The following TMEM132C variants were observed in gnomAD, a reference collection of about 807,000 sequenced individuals.
The protein encoded by TMEM132C is transmembrane protein 132C, also known as protein phosphatase 1, regulatory subunit 152.
Under a neutral mutation model 61.4 loss-of-function variants are expected in TMEM132C, and 29 were observed. That is an observed-to-expected ratio of 0.47 (90% confidence interval 0.35 to 0.64). The LOEUF (loss-of-function observed/expected upper bound fraction) is 0.64. Among genes scored for constraint, TMEM132C ranks in the 30% least tolerant of loss-of-function variants. TMEM132C has a pLI of 0.00. For missense variants in TMEM132C, 1,408 were observed against 1,476.9 expected (o/e 0.95, Z 0.76); for synonymous variants, 656 against 633.1 (o/e 1.04, Z -0.54).
At chr12:128,312,842 G>GCA (rs1872020328) in intron 1 of TMEM132C, among the ~76,000 whole-genome samples, 1 of 152,232 alleles carries the variant, frequency 6.6e-6, no homozygotes, top group South Asian at 2.1e-4. Context: ...ACAGGCTGAT[G>GCA]CACACTCAGT....
intron 1 of TMEM132C, among the ~76,000 whole-genome samples, chr12:128,285,769 TTCTCTCTCTCTC>T (rs139826127): frequency 1.1e-4 from 2 of 17,466 alleles, no homozygotes; most frequent in African/African-American, 4.5e-4. Flanking sequence ...CTTTCTCTCT[TTCTCTCTCTCTC>T]TCTCTCTCCC....
rs192385413 is a variant in TMEM132C at position 128,314,972 on chromosome 12, A to G, written c.85+47485A>G. ...GTAAAATGGGAGGGAGACAGTAAAC[A>G]AGGAAACAAGTAAATAAATGTGAAT... On this transcript the variant is annotated intron_variant, in intron 1 of 8. Transcript: ENST00000435159. Among the ~76,000 whole-genome samples the G allele has an allele frequency of 6.0e-4, 92 of 152,340 alleles. 1 individual carries two copies. Among genetic ancestry groups the G allele is most frequent in the African/African-American group, 2.1e-3 (88 of 41,582 alleles).
chr12:128,269,352 G>GTGTGTGTT (rs1293736048), intron 1 of TMEM132C, among the ~76,000 whole-genome samples: 1 of 151,142 alleles, frequency 6.6e-6, no homozygotes, highest in Non-Finnish European at 1.5e-5. Flanking sequence ...CATTCCGTGT[G>GTGTGTGTT]TGTGTGTGTG....
At chr12:128,417,696 C>T (rs1455952351) in intron 2 of TMEM132C, among the ~76,000 whole-genome samples, 1 of 152,178 alleles carries the variant, frequency 6.6e-6, no homozygotes, top group Non-Finnish European at 1.5e-5. Context: ...GTGCTCATAA[C>T]AGTGTCTGGT....
intron 2 of TMEM132C, among the ~76,000 whole-genome samples, chr12:128,524,695 G>A (rs35005005): frequency 2.0e-5 from 3 of 152,142 alleles, no homozygotes; most frequent in Non-Finnish European, 4.4e-5. Context: ...CTTTGGGATC[G>A]ATGGGTTTCT....
intron 1 of TMEM132C, chr12:128,289,170 A>C (rs1428792424): frequency 6.6e-6 from 1 of 152,202 alleles, no homozygotes; most frequent in Non-Finnish European, 1.5e-5. Flanking sequence ...ATACGCATGC[A>C]CTCACACACA....
At chr12:128,405,133 G>T (rs1875296959) in intron 1 of TMEM132C, among the ~76,000 whole-genome samples, 1 of 152,106 alleles carries the variant, frequency 6.6e-6, no homozygotes, top group Non-Finnish European at 1.5e-5. Context: ...GGAGATGTTG[G>T]TGCAAGCAGA....
chr12:128,340,914 CTT>C lies in TMEM132C; in HGVS notation c.85+73429_85+73430del, dbSNP rs745789170. 7.0e-3 allele frequency among the ~76,000 whole-genome samples: 702 copies of C among 100,616 alleles called. 3 individuals are homozygous for C. The highest frequency in any genetic ancestry group is 0.026 in the African/African-American group (637 of 24,320). 66.0% of individuals were successfully genotyped at this position (100,616 alleles called of 152,430 possible). The stretch of plus-strand genomic sequence containing the variant: ...TCTTTCTTTCTCTCTTTCTCTCTCT[CTT>C]TCTCTCTCTCTCTCTCTCTCTCTCT... On this transcript the variant is annotated intron_variant, in intron 1 of 8. Transcript: ENST00000435159.
intron 2 of TMEM132C, among the ~76,000 whole-genome samples, chr12:128,533,872 C>T (rs926530862): frequency 1.3e-5 from 2 of 151,922 alleles, no homozygotes; most frequent in Admixed American, 6.6e-5. Context: ...GCCCAGAGGC[C>T]AAGTGGTACT....
intron 1 of TMEM132C, among the ~76,000 whole-genome samples, chr12:128,413,719 T>C (rs1309309290): frequency 6.6e-6 from 1 of 152,096 alleles, no homozygotes; most frequent in Non-Finnish European, 1.5e-5. Context: ...AAAATCTTTT[T>C]CCTCAAATTT....
intron 2 of TMEM132C, among the ~76,000 whole-genome samples, chr12:128,462,501 C>T (rs558644108): frequency 6.6e-6 from 1 of 152,196 alleles, no homozygotes; most frequent in East Asian, 1.9e-4. Flanking sequence ...CTGGTTTTCC[C>T]AAAATTGTTT....
Position 128,405,869 on chromosome 12 carries a change from T to A in TMEM132C, c.86-8863T>A, listed in dbSNP as rs370875365. ...GTGTACAGAGAGCTGCACTAGGCAG[T>A]CTTGGGCATGTATGTACTCAAGAAG... On this transcript the variant is annotated intron_variant, in intron 1 of 8. Coordinates refer to ENST00000435159, the MANE Select transcript of TMEM132C (RefSeq NM_001136103.3). 9.8e-5 allele frequency among the ~76,000 whole-genome samples: 15 copies of A among 152,288 alleles called. No individual in the cohort carries two copies. The East Asian group carries it at 1.4e-3, about 14-fold the overall frequency.
chr12:128,530,708 G>T (rs868497910), intron 2 of TMEM132C, among the ~76,000 whole-genome samples: 1 of 152,196 alleles, frequency 6.6e-6, no homozygotes, highest in Non-Finnish European at 1.5e-5. Context: ...CTCCCAAAGT[G>T]CTGGGATTAT....
intron 2 of TMEM132C, among the ~76,000 whole-genome samples, chr12:128,437,351 A>G (rs902100812): frequency 6.6e-6 from 1 of 152,226 alleles, no homozygotes; most frequent in Non-Finnish European, 1.5e-5. Flanking sequence ...TTAATTGCTT[A>G]CTGAACAAGG....
intron 4 of TMEM132C, among the ~76,000 whole-genome samples, chr12:128,629,376 C>G (rs946254550): frequency 6.6e-6 from 1 of 151,892 alleles, no homozygotes; most frequent in African/African-American, 2.4e-5. Flanking sequence ...AAAAATGAGG[C>G]GGGAGGATTG....
intron 1 of TMEM132C, among the ~76,000 whole-genome samples, chr12:128,316,072 A>C (rs145488844): frequency 3.3e-5 from 5 of 152,124 alleles, no homozygotes; most frequent in Non-Finnish European, 5.9e-5. Flanking sequence ...ATTGAAGTGC[A>C]TTTAGAGAAT....
At chr12:128,295,182 T>C (rs1223264523) in intron 1 of TMEM132C, among the ~76,000 whole-genome samples, 1 of 152,182 alleles carries the variant, frequency 6.6e-6, no homozygotes, top group African/African-American at 2.4e-5. Context: ...TAAATTTATA[T>C]TATGTTTGAG....
intron 3 of TMEM132C, among the ~76,000 whole-genome samples, chr12:128,551,303 G>A (rs1014534095): frequency 6.6e-6 from 1 of 151,780 alleles, no homozygotes; most frequent in Non-Finnish European, 1.5e-5. Context: ...CAGCTGTTCT[G>A]CTGGAGTGCC....
At chr12:128,479,752 A>G (rs10082764) in intron 2 of TMEM132C, among the ~76,000 whole-genome samples, 8,986 of 152,196 alleles carry the variant, frequency 0.059, 875 homozygotes, top group African/African-American at 0.2. Flanking sequence ...CTTATTTGCA[A>G]TGTGACCTTA....
Sources: gnomAD v4.1 joint callset for allele counts (sites outside exome capture counted in the v4.1 genomes callset) on GRCh38, gnomAD v4.1.1 for gene constraint, MANE v1.5 for transcripts, NCBI Gene and HGNC (gene_info 2026-07-23, HGNC 2026-07-21) for gene names.